FGGY: variants seen among roughly 807,000 people sequenced by gnomAD.
The protein encoded by FGGY is FGGY carbohydrate kinase domain containing.
FGGY carries 72 observed loss-of-function variants against 71.3 expected under a neutral mutation model. That is an observed-to-expected ratio of 1.01 (90% CI 0.84 to 1.23). The LOEUF (loss-of-function observed/expected upper bound fraction) is 1.23, where lower values mean the gene tolerates loss of function less well. FGGY is among the 50% of genes most tolerant of loss of function. FGGY has a pLI of 0.00. For synonymous variants in FGGY, 251 were observed against 250.3 expected (o/e 1.00, Z -0.02); for missense variants, 668 against 682.3 (o/e 0.98, Z 0.23).
chr1:59,339,645 A>G (rs1456406587), intron 2 of FGGY, among the ~76,000 whole-genome samples: 2 of 151,832 alleles, frequency 1.3e-5, no homozygotes, highest in Non-Finnish European at 2.9e-5. Flanking sequence ...TCGTATTTTT[A>G]GTAGAGACAG....
At chr1:59,482,550 G>A (rs2093514832) in intron 6 of FGGY, among the ~76,000 whole-genome samples, 1 of 148,540 alleles carries the variant, frequency 6.7e-6, no homozygotes, top group African/African-American at 2.5e-5. Flanking sequence ...ATTTATATAT[G>A]TGTGTCTATG....
intron 4 of FGGY, among the ~76,000 whole-genome samples, chr1:59,351,854 C>T (rs78851741): frequency 0.024 from 3,714 of 152,170 alleles, 174 homozygotes; most frequent in African/African-American, 0.086. Context: ...TTCTCCTTGT[C>T]CTTAGCCTAG....
chr1:59,595,549 G>T (rs2096512046), intron 8 of FGGY, among the ~76,000 whole-genome samples: 1 of 152,044 alleles, frequency 6.6e-6, no homozygotes, highest in Non-Finnish European at 1.5e-5. Flanking sequence ...AATTAGCCGG[G>T]CTTGGTGGTG....
intron 8 of FGGY, among the ~76,000 whole-genome samples, chr1:59,603,325 ATCATCT>A (rs2096595199): frequency 6.6e-6 from 1 of 152,154 alleles, no homozygotes; most frequent in African/African-American, 2.4e-5. Flanking sequence ...TTTCTTCTGT[ATCATCT>A]TCTACTCCAT....
At chr1:59,543,235 G>GT (rs566214334) in intron 7 of FGGY, among the ~76,000 whole-genome samples, 187 of 152,180 alleles carry the variant, frequency 1.2e-3, no homozygotes, top group African/African-American at 4.3e-3. Flanking sequence ...TGTTTTGCTT[G>GT]TTTTTTCTCC....
intron 10 of FGGY, among the ~76,000 whole-genome samples, chr1:59,629,829 G>A (rs949305153): frequency 2.0e-5 from 3 of 152,086 alleles, no homozygotes; most frequent in Admixed American, 6.6e-5. Context: ...GAATCAACCC[G>A]AAACACCTCT....
intron 11 of FGGY, among the ~76,000 whole-genome samples, chr1:59,649,920 G>A (rs1391119843): frequency 5.6e-5 from 8 of 143,848 alleles, no homozygotes; most frequent in East Asian, 2.0e-4. Context: ...TTTGAAATAC[G>A]TCCCATCAAT....
intron 6 of FGGY, among the ~76,000 whole-genome samples, chr1:59,488,149 A>G (rs1019645892): frequency 3.9e-5 from 6 of 152,166 alleles, no homozygotes; most frequent in Non-Finnish European, 5.9e-5. Flanking sequence ...TAATAATGCC[A>G]TAATATTTTA....
chr1:59,625,748 T>G lies in FGGY; in HGVS notation c.1012-240T>G, dbSNP rs546177906. ...ACCAGTTTAGCCTTGGAAATTTCATTTCTGTTTACTCTTCTCTCTAAACTT... is the reference window on the plus strand; with the variant it reads ...ACCAGTTTAGCCTTGGAAATTTCATGTCTGTTTACTCTTCTCTCTAAACTT... On this transcript the variant is annotated intron_variant, in intron 9 of 15. Coordinates refer to ENST00000303721, the MANE Select transcript of FGGY (RefSeq NM_018291.5). Among the ~76,000 whole-genome samples, 209 of 152,282 alleles carry G rather than the reference T, an allele frequency of 1.4e-3. 1 individual carries two copies. Among genetic ancestry groups the G allele is most frequent in the African/African-American group, 4.6e-3 (192 of 41,548 alleles).
At chr1:59,298,432 G>T (rs1418895246) in intron 1 of FGGY, among the ~76,000 whole-genome samples, 1 of 152,212 alleles carries the variant, frequency 6.6e-6, no homozygotes, top group Non-Finnish European at 1.5e-5. Flanking sequence ...AAACATGTGT[G>T]CTGGGAGAAG....
Position 59,460,441 on chromosome 1 carries a change from C to G in FGGY, c.670+3365C>G, listed in dbSNP as rs374684694. On this transcript the variant is annotated intron_variant, in intron 6 of 15. Transcript: ENST00000303721. ...AGCCCACCACAGCTCATCTAGGCCT[C>G]CCTGCCTCTGTAGACCCCACCACTG... Among the ~76,000 whole-genome samples, 61 of 152,336 alleles carry G rather than the reference C, an allele frequency of 4.0e-4. 1 individual carries two copies. The East Asian group carries it at 9.3e-3, about 23-fold the overall frequency.
At chr1:59,515,698 C>G (rs1466181740) in intron 7 of FGGY, among the ~76,000 whole-genome samples, 2 of 152,146 alleles carry the variant, frequency 1.3e-5, no homozygotes, top group African/African-American at 4.8e-5. Flanking sequence ...TCAGGCTTTT[C>G]TGCGTTTGCT....
chr1:59,661,902 G>A (rs1221289424), intron 12 of FGGY, among the ~76,000 whole-genome samples: 1 of 150,980 alleles, frequency 6.6e-6, no homozygotes, highest in Non-Finnish European at 1.5e-5. Context: ...TGTATTTTTA[G>A]TAGAGATGGG....
chr1:59,665,069 G>A (rs1284494261), intron 12 of FGGY, among the ~76,000 whole-genome samples: 2 of 152,174 alleles, frequency 1.3e-5, no homozygotes, highest in African/African-American at 4.8e-5. Context: ...TGCCGTTAGA[G>A]CAGACTGGGG....
At chr1:59,436,591 A>C (rs1365724374) in intron 5 of FGGY, among the ~76,000 whole-genome samples, 2 of 152,332 alleles carry the variant, frequency 1.3e-5, no homozygotes, top group Non-Finnish European at 2.9e-5. Context: ...ATAAATGAAT[A>C]AATTGCTGGA....
intron 4 of FGGY, among the ~76,000 whole-genome samples, chr1:59,347,264 A>C (rs2052232567): frequency 9.9e-6 from 1 of 100,948 alleles, no homozygotes; most frequent in Non-Finnish European, 1.9e-5. Context: ...ACCCCACAAC[A>C]GGCCCCGGTG....
intron 6 of FGGY, among the ~76,000 whole-genome samples, chr1:59,487,585 A>G (rs1314139300): frequency 1.3e-5 from 2 of 152,190 alleles, no homozygotes; most frequent in Non-Finnish European, 2.9e-5. Flanking sequence ...TCAGTTACTC[A>G]GCATTAAGAT....
intron 5 of FGGY, among the ~76,000 whole-genome samples, chr1:59,409,624 A>ATATATATAT (rs2063315908): frequency 2.7e-5 from 4 of 150,068 alleles, no homozygotes; most frequent in African/African-American, 7.4e-5. Context: ...ATATATATAT[A>ATATATATAT]AACAGACAAG....
At position 59,587,082 on chromosome 1, in the gene FGGY, C is replaced by A. The variant is rs560151263; in HGVS notation, c.904-20721C>A. On this transcript the variant is annotated intron_variant, in intron 8 of 15. Coordinates refer to ENST00000303721, the MANE Select transcript of FGGY (RefSeq NM_018291.5). ...AGATGGCACCTGGAAAATCGGGTCA[C>A]TCCCGCCCTAATACTGTGCTTTTCC... Among the ~76,000 whole-genome samples the A allele has an allele frequency of 3.3e-5, 5 of 152,368 alleles. No individual in the cohort carries two copies. The East Asian group carries it at 5.8e-4, about 18-fold the overall frequency.
Sources: allele counts gnomAD v4.1 joint callset (sites outside exome capture counted in the v4.1 genomes callset), GRCh38; gene constraint gnomAD v4.1.1; transcripts MANE v1.5; gene names NCBI Gene and HGNC (gene_info 2026-07-23, HGNC 2026-07-21).